The following QKI variants were observed in gnomAD, a reference collection of about 807,000 sequenced individuals.
QKI encodes the protein QKI, KH domain containing RNA binding.
A neutral mutation model predicts 39.0 loss-of-function variants in QKI; 10 were observed. The ratio of observed to expected loss-of-function variants is 0.26; its 90% CI spans 0.16 to 0.43. QKI has a LOEUF of 0.43. Among genes scored for constraint, QKI ranks in the 20% least tolerant of loss-of-function variants. QKI has a pLI of 1.00. For synonymous variants in QKI, 204 were observed against 155.4 expected, an observed-to-expected ratio of 1.31 and a Z score of -2.33; for missense variants, 218 against 428.0, an observed-to-expected ratio of 0.51 and a Z score of 4.33.
chr6:163,478,291 A>T (rs980350477), intron 2 of QKI, among the ~76,000 whole-genome samples: 3 of 152,244 alleles, frequency 2.0e-5, no homozygotes, highest in African/African-American at 7.2e-5. Context: ...TTTTCGTAAC[A>T]TATTTCTGAA....
chr6:163,553,580 A>G (rs74639982), intron 4 of QKI, among the ~76,000 whole-genome samples: 1,944 of 152,082 alleles, frequency 0.013, 42 homozygotes, highest in African/African-American at 0.045. Flanking sequence ...TACTAATGCT[A>G]GTATGTAGCC....
chr6:163,553,911 T>G (rs1192627513), intron 4 of QKI, among the ~76,000 whole-genome samples: 1 of 152,224 alleles, frequency 6.6e-6, no homozygotes, highest in Non-Finnish European at 1.5e-5. Flanking sequence ...ACACTTTCCC[T>G]CTACCTTGCT....
intron 3 of QKI, among the ~76,000 whole-genome samples, chr6:163,516,540 G>T (rs557613682): frequency 6.6e-6 from 1 of 152,080 alleles, no homozygotes; most frequent in South Asian, 2.1e-4. Context: ...TGATCCACCC[G>T]CCTTGGCCTC....
At chr6:163,566,196 A>G in intron 6 of QKI, 1 of 1,341,262 alleles carries the variant, frequency 7.5e-7, no homozygotes, top group Non-Finnish European at 9.6e-7. Context: ...ACTGACTGCT[A>G]AGTGTACTAT....
intron 3 of QKI, among the ~76,000 whole-genome samples, chr6:163,532,340 T>TTG (rs1223992376): frequency 6.6e-6 from 1 of 152,152 alleles, no homozygotes; most frequent in Admixed American, 6.5e-5. Context: ...CACTTCTAGA[T>TTG]TGGTTTGAGT....
chr6:163,513,352 A>T (rs1406262078), intron 3 of QKI, among the ~76,000 whole-genome samples: 1 of 152,222 alleles, frequency 6.6e-6, no homozygotes, highest in Non-Finnish European at 1.5e-5. Context: ...TAATTATTTT[A>T]TGTATCACCA....
At chr6:163,432,569 A>ATT (rs906952240) in intron 1 of QKI, among the ~76,000 whole-genome samples, 1 of 149,750 alleles carries the variant, frequency 6.7e-6, no homozygotes, top group African/African-American at 2.5e-5. Context: ...ATTAAAAAAA[A>ATT]TTTTTTTTTT....
intron 4 of QKI, among the ~76,000 whole-genome samples, chr6:163,535,462 C>T (rs1380879114): frequency 6.6e-6 from 1 of 151,762 alleles, no homozygotes. Flanking sequence ...TGGGTTGGCT[C>T]CTTATTGTTT....
At chr6:163,568,207 C>G (rs1783483662) in intron 7 of QKI, 2 of 983,654 alleles carry the variant, frequency 2.0e-6, no homozygotes, top group African/African-American at 1.8e-5. Flanking sequence ...ATTCATATTG[C>G]TAATGTCTAC....
chr6:163,545,066 G>A (rs9347763), intron 4 of QKI, among the ~76,000 whole-genome samples: 98,340 of 151,864 alleles, frequency 0.65, 33,092 homozygotes, highest in East Asian at 1. Context: ...CCTTACCAGA[G>A]ATCTCTGTAA....
chr6:163,534,405 T>C (rs989294797), intron 3 of QKI, among the ~76,000 whole-genome samples: 3 of 152,198 alleles, frequency 2.0e-5, no homozygotes, highest in African/African-American at 7.2e-5. Flanking sequence ...ATAACATCTA[T>C]ATGCAAAATA....
intron 2 of QKI, among the ~76,000 whole-genome samples, chr6:163,466,605 CCATGA>C (rs112092761): frequency 0.02 from 3,076 of 152,132 alleles, 101 homozygotes; most frequent in African/African-American, 0.07. Flanking sequence ...GACAAGGGTA[CCATGA>C]CTACACAATG....
intron 6 of QKI, chr6:163,566,149 C>A: frequency 7.2e-7 from 1 of 1,396,994 alleles, no homozygotes; most frequent in Non-Finnish European, 9.3e-7. Context: ...TAATATTACA[C>A]AGTAATGGTA....
At chr6:163,450,733 A>T (rs1402789459) in intron 1 of QKI, among the ~76,000 whole-genome samples, 1 of 152,172 alleles carries the variant, frequency 6.6e-6, no homozygotes, top group Non-Finnish European at 1.5e-5. Flanking sequence ...AGCGTAGTGA[A>T]ATTCGAAAAA....
chr6:163,445,192 TATA>T (rs1790053891), intron 1 of QKI, among the ~76,000 whole-genome samples: 1 of 152,192 alleles, frequency 6.6e-6, no homozygotes, highest in African/African-American at 2.4e-5. Flanking sequence ...TGTTAACTCA[TATA>T]ATCATAGTAT....
intron 4 of QKI, among the ~76,000 whole-genome samples, chr6:163,536,083 C>T (rs1781187085): frequency 1.3e-5 from 2 of 152,128 alleles, no homozygotes; most frequent in Admixed American, 1.3e-4. Flanking sequence ...CAAGTAAACT[C>T]ACAAATCATA....
intron 3 of QKI, among the ~76,000 whole-genome samples, chr6:163,496,939 TTAC>T (rs1778451148): frequency 1.3e-5 from 2 of 152,290 alleles, no homozygotes; most frequent in African/African-American, 4.8e-5. Context: ...TACATATATA[TTAC>T]TACCACCCTC....
chr6:163,533,597 C>T (rs1168727580), intron 3 of QKI, among the ~76,000 whole-genome samples: 1 of 152,164 alleles, frequency 6.6e-6, no homozygotes, highest in Non-Finnish European at 1.5e-5. Context: ...CCGCTAACAA[C>T]CTAGCTTTGT....
chr6:163,502,353 A>T (rs1005310262), intron 3 of QKI, among the ~76,000 whole-genome samples: 18 of 151,934 alleles, frequency 1.2e-4, no homozygotes, highest in African/African-American at 3.4e-4. Flanking sequence ...AACAAACAAA[A>T]ATATATATAT....
Sources: gnomAD v4.1 joint callset for allele counts (sites outside exome capture counted in the v4.1 genomes callset) on GRCh38, gnomAD v4.1.1 for gene constraint, MANE v1.5 for transcripts, NCBI Gene and HGNC (gene_info 2026-07-23, HGNC 2026-07-21) for gene names.